Variants in GABRG3 observed in about 807,000 individuals in gnomAD.
GABRG3 encodes the protein gamma-aminobutyric acid type A receptor subunit gamma3, also known as gamma-aminobutyric acid receptor subunit gamma-3.
Under a neutral mutation model 48.8 loss-of-function variants are expected in GABRG3, and 25 were observed. The observed-to-expected ratio is 0.51, with a 90% CI of 0.37 to 0.72. The LOEUF is 0.72. GABRG3 is among the 30% of genes least tolerant of loss of function. The probability of loss-of-function intolerance (pLI) is 0.00; values close to 1 mark genes in which losing one functional copy is unlikely to be tolerated. For synonymous variants in GABRG3, 227 were observed against 217.6 expected (o/e 1.04, Z -0.38); for missense variants, 394 against 577.9 (o/e 0.68, Z 3.26).
At chr15:27,261,875 A>G (rs1188379864) in intron 3 of GABRG3, among the ~76,000 whole-genome samples, 1 of 151,792 alleles carries the variant, frequency 6.6e-6, no homozygotes, top group Non-Finnish European at 1.5e-5. Context: ...TAGGCCAATA[A>G]TAATGTTTCT....
intron 5 of GABRG3, among the ~76,000 whole-genome samples, chr15:27,394,276 A>G (rs1887233749): frequency 6.6e-6 from 1 of 152,128 alleles, no homozygotes; most frequent in Non-Finnish European, 1.5e-5. Context: ...TTCCCTGAAG[A>G]TTATAATCAT....
At chr15:27,101,153 A>G (rs1265648628) in intron 3 of GABRG3, among the ~76,000 whole-genome samples, 1 of 152,240 alleles carries the variant, frequency 6.6e-6, no homozygotes, top group African/African-American at 2.4e-5. Flanking sequence ...TTACATTTGT[A>G]TATAATAACA....
In GABRG3 at chr15:27,534,959, G is replaced by A. The variant is rs1891515337; in HGVS notation, c.*2078G>A. On this transcript the variant is annotated 3_prime_UTR_variant, in exon 10 of 10. Coordinates refer to ENST00000615808, the MANE Select transcript of GABRG3 (RefSeq NM_033223.5). ...CAGTTTTAAAAATAAAAGAGTATTT[G>A]TGGAGAAACAGGTTGAAAATATTGT... 6.6e-6 allele frequency: 1 copy of A among 152,164 alleles called. No homozygotes were observed. The allele number at this position is 152,164 out of a possible 1,614,324, so 9.4% of individuals were successfully genotyped here.
rs1897571784 is a variant in GABRG3, at chr15:27,112,544, G to A, written c.270+85723G>A. Among the ~76,000 whole-genome samples the A allele has an allele frequency of 3.3e-5, 5 of 150,990 alleles. No homozygotes were observed. The South Asian group carries it at 1.0e-3, about 32-fold the overall frequency. Reference sequence around the variant, plus strand: ...CAACCTCTGCCTCCTGGGTTCAAGCGATTCTCCTGCCTCAGCCTCCCGAGT... The same window carrying A: ...CAACCTCTGCCTCCTGGGTTCAAGCAATTCTCCTGCCTCAGCCTCCCGAGT... On this transcript the variant is annotated intron_variant, in intron 3 of 9. Coordinates refer to ENST00000615808, the MANE Select transcript of GABRG3 (RefSeq NM_033223.5).
At chr15:27,252,174 G>T (rs909424188) in intron 3 of GABRG3, among the ~76,000 whole-genome samples, 5 of 152,288 alleles carry the variant, frequency 3.3e-5, no homozygotes, top group Admixed American at 3.3e-4. Context: ...ACATAAGGAT[G>T]ATGCCTGAGA....
chr15:27,355,380 C>T (rs573734933), intron 5 of GABRG3, among the ~76,000 whole-genome samples: 12 of 152,264 alleles, frequency 7.9e-5, no homozygotes, highest in Non-Finnish European at 1.6e-4. Context: ...AGCAAAAATG[C>T]CCAGCACCAT....
intron 1 of GABRG3, 96 bp downstream of exon 1, chr15:26,971,684 C>T (rs1383611456): frequency 2.2e-6 from 3 of 1,356,072 alleles, no homozygotes; most frequent in Non-Finnish European, 9.6e-7. Flanking sequence ...CGCCAGCCGT[C>T]GGCTGGGCTG....
intron 5 of GABRG3, chr15:27,422,411 C>A (rs1432165788): frequency 1.3e-5 from 2 of 152,268 alleles, no homozygotes; most frequent in African/African-American, 4.8e-5. Flanking sequence ...GACTGCGTAT[C>A]CACCAATACT....
At chr15:27,248,987 G>A (rs955391480) in intron 3 of GABRG3, among the ~76,000 whole-genome samples, 4 of 152,076 alleles carry the variant, frequency 2.6e-5, no homozygotes, top group African/African-American at 4.8e-5. Context: ...TGCCCTGGGC[G>A]GATGTCAAGC....
At chr15:27,417,477 CT>C (rs1466499447) in intron 5 of GABRG3, among the ~76,000 whole-genome samples, 1 of 152,150 alleles carries the variant, frequency 6.6e-6, no homozygotes, top group African/African-American at 2.4e-5. Context: ...CAGTTTTCTG[CT>C]AGCAGGTCAT....
At chr15:27,175,907 G>A (rs1291531029) in intron 3 of GABRG3, among the ~76,000 whole-genome samples, 4 of 152,034 alleles carry the variant, frequency 2.6e-5, no homozygotes, top group Non-Finnish European at 4.4e-5. Context: ...GAGAGGCCTG[G>A]GCAGCAGGCC....
intron 3 of GABRG3, among the ~76,000 whole-genome samples, chr15:27,306,837 A>G (rs1311188743): frequency 1.2e-3 from 112 of 89,744 alleles, no homozygotes; most frequent in African/African-American, 5.8e-3. Flanking sequence ...TACAATATAA[A>G]CATGTTTATA....
At chr15:27,056,040 A>G (rs973748191) in intron 3 of GABRG3, among the ~76,000 whole-genome samples, 2 of 152,200 alleles carry the variant, frequency 1.3e-5, no homozygotes, top group African/African-American at 4.8e-5. Flanking sequence ...AAAATCACAA[A>G]TAGTCACAAA....
In GABRG3 at chr15:26,971,585, C is replaced by T; in HGVS notation, c.50C>T (p.Ala17Val). The change falls in exon 1 of 10, where the codon GCG (alanine) becomes GTG (valine). Residue 17 changes from alanine to valine, a missense_variant. Around this residue, in one of 3 missense-constraint regions of GABRG3, gnomAD observed 218 missense variants for 309.9 expected, o/e 0.70. Transcript: ENST00000615808. ...LLLCLFSGLH[A>V]RSRKVEEDEY... Reference sequence around the variant, plus strand: ...CTCTGCCTGTTCTCGGGCTTGCACGCGCGGTAAGTGGCGCGGGGGCCGCAT... The same window carrying T: ...CTCTGCCTGTTCTCGGGCTTGCACGTGCGGTAAGTGGCGCGGGGGCCGCAT... 8.5e-6 allele frequency: 13 copies of T among 1,528,510 alleles called. No individual in the cohort carries two copies. Among genetic ancestry groups the T allele is most frequent in the Non-Finnish European group, 1.1e-5 (13 of 1,138,600 alleles). 94.7% of individuals were successfully genotyped at this position (1,528,510 alleles called of 1,614,324 possible).
At chr15:27,221,291 T>A (rs1164627316) in intron 3 of GABRG3, among the ~76,000 whole-genome samples, 1 of 152,104 alleles carries the variant, frequency 6.6e-6, no homozygotes, top group Non-Finnish European at 1.5e-5. Flanking sequence ...AAGGTTTTAT[T>A]CTCTTGCCAT....
At chr15:27,391,650 T>A (rs1255019349) in intron 5 of GABRG3, among the ~76,000 whole-genome samples, 2 of 152,214 alleles carry the variant, frequency 1.3e-5, no homozygotes. Context: ...AAAACTCACC[T>A]GATTTCAGAG....
chr15:27,006,159 A>C (rs1177033278), intron 2 of GABRG3, among the ~76,000 whole-genome samples: 3 of 145,628 alleles, frequency 2.1e-5, no homozygotes, highest in Non-Finnish European at 3.0e-5. Context: ...CTTCAATAAA[A>C]CTTTTTTTTA....
intron 3 of GABRG3, among the ~76,000 whole-genome samples, chr15:27,189,494 T>C (rs1888220716): frequency 6.6e-6 from 1 of 152,018 alleles, no homozygotes; most frequent in Admixed American, 6.5e-5. Flanking sequence ...GAAGCAATTG[T>C]GAATGGGAGT....
At chr15:27,318,399 T>A (rs568129566) in intron 3 of GABRG3, among the ~76,000 whole-genome samples, 2 of 152,242 alleles carry the variant, frequency 1.3e-5, no homozygotes, top group East Asian at 3.9e-4. Flanking sequence ...CAGATGGGAC[T>A]TGCACCCTGC....
Sources: allele counts gnomAD v4.1 joint callset (sites outside exome capture counted in the v4.1 genomes callset), GRCh38; gene constraint gnomAD v4.1.1; regional missense constraint gnomAD v4.1.1; transcripts MANE v1.5; gene names NCBI Gene and HGNC (gene_info 2026-07-23, HGNC 2026-07-21).